Variants in KLHL13 observed in about 807,000 individuals in gnomAD.
The protein encoded by KLHL13 is kelch like family member 13.
Under a neutral mutation model 37.1 loss-of-function variants are expected in KLHL13, and 10 were observed. The observed-to-expected ratio is 0.27, with a 90% confidence interval of 0.17 to 0.46. The LOEUF (loss-of-function observed/expected upper bound fraction) is 0.46, where lower values mean the gene tolerates loss of function less well. KLHL13 is among the 20% of genes least tolerant of loss of function. The probability of loss-of-function intolerance (pLI) is 1.00; values close to 1 mark genes in which losing one functional copy is unlikely to be tolerated. For missense variants in KLHL13, 360 were observed against 509.3 expected, an observed-to-expected ratio of 0.71 and a Z score of 2.82; for synonymous variants, 163 against 181.2, an observed-to-expected ratio of 0.90 and a Z score of 0.81.
intron 1 of KLHL13, among the ~76,000 whole-genome samples, chrX:118,020,702 T>C (rs940854645): frequency 4.5e-5 from 5 of 110,427 alleles, no homozygotes; most frequent in Non-Finnish European, 3.8e-5. Context: ...CGTATGTTTA[T>C]TGCGGCACTA....
At chrX:117,951,827 T>TA (rs1342369123) in intron 1 of KLHL13, among the ~76,000 whole-genome samples, 1 of 112,123 alleles carries the variant, frequency 8.9e-6, no homozygotes, top group Non-Finnish European at 1.9e-5. Context: ...ATCCTTGTAA[T>TA]AACTCATTTA....
intron 1 of KLHL13, among the ~76,000 whole-genome samples, chrX:118,036,025 C>A (rs989945624): frequency 1.1e-4 from 11 of 102,755 alleles, no homozygotes; most frequent in Non-Finnish European, 2.1e-4. Flanking sequence ...ACCTAGGAGT[C>A]CAACTTACAA....
At chrX:117,981,199 T>C (rs954352607) in intron 1 of KLHL13, among the ~76,000 whole-genome samples, 1 of 112,203 alleles carries the variant, frequency 8.9e-6, no homozygotes, top group Admixed American at 9.4e-5. Context: ...ATGTACAACA[T>C]CATTAGCACA....
chrX:117,915,784 G>T (rs1931307647), intron 4 of KLHL13, among the ~76,000 whole-genome samples: 1 of 112,237 alleles, frequency 8.9e-6, no homozygotes, highest in South Asian at 3.7e-4. Flanking sequence ...CATAACAAAA[G>T]TTCCGTGGGG....
At chrX:117,910,316 A>C (rs1198252804) in intron 4 of KLHL13, among the ~76,000 whole-genome samples, 4 of 111,900 alleles carry the variant, frequency 3.6e-5, no homozygotes, top group Admixed American at 1.9e-4. Flanking sequence ...GAAAATGATC[A>C]AAGTCAGTAA....
chrX:117,986,742 G>T, intron 1 of KLHL13, among the ~76,000 whole-genome samples: 1 of 111,891 alleles, frequency 8.9e-6, no homozygotes, highest in South Asian at 3.7e-4. Context: ...AATTCCATTT[G>T]CTTCTGTGAT....
intron 4 of KLHL13, chrX:117,914,218 A>T (rs1931189598): frequency 9.2e-6 from 1 of 108,626 alleles, no homozygotes; most frequent in South Asian, 3.9e-4. Context: ...TTAGAAAAAA[A>T]TGGGTATCTG....
intron 1 of KLHL13, among the ~76,000 whole-genome samples, chrX:118,054,436 G>C (rs1411400634): frequency 9.2e-6 from 1 of 108,820 alleles, no homozygotes; most frequent in Non-Finnish European, 1.9e-5. Context: ...TATAGTAAAA[G>C]AAAAAAAAAC....
intron 1 of KLHL13, among the ~76,000 whole-genome samples, chrX:117,949,803 T>C (rs936111111): frequency 1.8e-5 from 2 of 112,452 alleles, no homozygotes; most frequent in South Asian, 7.4e-4. Context: ...GGGAACATTT[T>C]GGTGCTTCTT....
intron 4 of KLHL13, among the ~76,000 whole-genome samples, chrX:117,911,248 G>A (rs1004349844): frequency 5.4e-5 from 6 of 111,511 alleles, no homozygotes; most frequent in African/African-American, 2.0e-4. Flanking sequence ...TTGGCAGATG[G>A]TTAAGAGAAA....
intron 1 of KLHL13, among the ~76,000 whole-genome samples, chrX:118,084,669 T>C (rs1276902952): frequency 1.8e-5 from 2 of 111,646 alleles, no homozygotes; most frequent in Admixed American, 9.6e-5. Flanking sequence ...AATGTCTCTA[T>C]GTAGGAGACT....
At chrX:117,934,579 C>T (rs770046512) in intron 2 of KLHL13, among the ~76,000 whole-genome samples, 1 of 110,171 alleles carries the variant, frequency 9.1e-6, no homozygotes, top group African/African-American at 3.3e-5. Context: ...AAGAAGGGAC[C>T]ATAAAGCTGA....
At chrX:118,054,143 C>T (rs1029369889) in intron 1 of KLHL13, among the ~76,000 whole-genome samples, 1 of 110,976 alleles carries the variant, frequency 9.0e-6, no homozygotes, top group Admixed American at 9.6e-5. Flanking sequence ...ATTTGGGATG[C>T]GTTTAAGCAA....
At chrX:117,967,272 G>T (rs747832787) in intron 1 of KLHL13, among the ~76,000 whole-genome samples, 20 of 111,590 alleles carry the variant, frequency 1.8e-4, no homozygotes, top group South Asian at 7.6e-4. Flanking sequence ...CTTTCTCAAA[G>T]TCTTGAGGAT....
intron 1 of KLHL13, among the ~76,000 whole-genome samples, chrX:118,090,938 C>T (rs1427388363): frequency 1.9e-5 from 2 of 107,781 alleles, no homozygotes; most frequent in Non-Finnish European, 3.8e-5. Context: ...CCATGGAATA[C>T]TATGCAGTCA....
intron 6 of KLHL13, among the ~76,000 whole-genome samples, chrX:117,901,346 T>G (rs1930077554): frequency 9.0e-6 from 1 of 111,187 alleles, no homozygotes; most frequent in Non-Finnish European, 1.9e-5. Context: ...GAAAGCAAAA[T>G]TTGAATGCTT....
At chrX:118,017,980 C>A (rs1473895714) in intron 1 of KLHL13, among the ~76,000 whole-genome samples, 1 of 111,554 alleles carries the variant, frequency 9.0e-6, no homozygotes, top group African/African-American at 3.3e-5. Flanking sequence ...ACTGGTGACT[C>A]TCACCACAAC....
chrX:117,948,366 C>G (rs1057178440), intron 1 of KLHL13, among the ~76,000 whole-genome samples: 5 of 112,018 alleles, frequency 4.5e-5, no homozygotes, highest in African/African-American at 1.3e-4. Flanking sequence ...AACAGAATAT[C>G]TCTGCTCTCC....
At chrX:117,908,877 A>T (rs1930774300) in intron 5 of KLHL13, among the ~76,000 whole-genome samples, 1 of 112,574 alleles carries the variant, frequency 8.9e-6, no homozygotes, top group Non-Finnish European at 1.9e-5. Context: ...CATATTTTGT[A>T]AAAGAAGAAA....
Sources: gnomAD v4.1 joint callset for allele counts (sites outside exome capture counted in the v4.1 genomes callset) on GRCh38, gnomAD v4.1.1 for gene constraint, MANE v1.5 for transcripts, NCBI Gene and HGNC (gene_info 2026-07-23, HGNC 2026-07-21) for gene names.